Variants in EHBP1 observed in about 807,000 individuals in gnomAD.
EHBP1 encodes the protein EH domain-binding protein 1.
In EHBP1, 55 loss-of-function variants were observed where a neutral mutation model predicts 144.0. The observed-to-expected ratio is 0.38, with a 90% CI of 0.31 to 0.48. The LOEUF is 0.48. Among genes scored for constraint, EHBP1 ranks in the 20% least tolerant of loss-of-function variants. The probability of loss-of-function intolerance (pLI) is 0.98; values close to 1 mark genes in which losing one functional copy is unlikely to be tolerated. For missense variants in EHBP1, 1,200 were observed against 1,364.2 expected (o/e 0.88, Z 1.90); for synonymous variants, 469 against 472.7 (o/e 0.99, Z 0.10).
intron 10 of EHBP1, among the ~76,000 whole-genome samples, chr2:62,916,783 A>G (rs1214750788): frequency 6.7e-6 from 1 of 149,490 alleles, no homozygotes; most frequent in East Asian, 1.9e-4. Flanking sequence ...TATTGTATAT[A>G]TTATCTTTTA....
At chr2:62,750,232 A>T (rs2039551423) in intron 3 of EHBP1, among the ~76,000 whole-genome samples, 1 of 152,206 alleles carries the variant, frequency 6.6e-6, no homozygotes, top group Non-Finnish European at 1.5e-5. Flanking sequence ...ACCAATTATT[A>T]AATAGGGAGT....
At chr2:63,038,391 T>C (rs2061530638) in intron 20 of EHBP1, among the ~76,000 whole-genome samples, 1 of 152,178 alleles carries the variant, frequency 6.6e-6, no homozygotes, top group African/African-American at 2.4e-5. Context: ...TTCATGTTTC[T>C]TGTATTCTTT....
chr2:62,773,850 C>CAAAA (rs570715468), intron 5 of EHBP1, among the ~76,000 whole-genome samples: 518 of 41,520 alleles, frequency 0.012, 43 homozygotes, highest in Middle Eastern at 0.027. Flanking sequence ...GACTCCATCT[C>CAAAA]AAAAAAAAAA....
At position 62,993,579 on chromosome 2, in the gene EHBP1, G is replaced by A. The variant is rs143616477; in HGVS notation, c.2783G>A (p.Arg928His). The change falls in exon 17 of 23, where the codon CGT (arginine) becomes CAT (histidine). Residue 928 changes from arginine (R) to histidine (H), a missense_variant. By Grantham distance (29) the Arg-to-His change is conservative (BLOSUM62 0). Around this residue, in one of 6 missense-constraint regions of EHBP1, gnomAD observed 543 missense variants for 513.1 expected, o/e 1.06. Transcript: ENST00000431489. ...RTERLQKTTE[R>H]FRNPVVFSKD... ...GAACGATTACAAAAAACAACAGAAC[G>A]TTTTAGAAATCCTGTTGTGTTCAGC... 26 of 1,606,752 alleles carry A rather than the reference G, an allele frequency of 1.6e-5. No homozygotes were observed. In the African/African-American group the frequency reaches 2.7e-4, roughly 17 times the overall value.
intron 5 of EHBP1, among the ~76,000 whole-genome samples, chr2:62,792,861 G>A (rs1167637700): frequency 6.6e-6 from 1 of 151,646 alleles, no homozygotes; most frequent in Non-Finnish European, 1.5e-5. Flanking sequence ...AACAGATTCT[G>A]TGAATTAGAT....
chr2:63,025,366 A>G (rs2060930432), intron 19 of EHBP1, among the ~76,000 whole-genome samples: 1 of 152,112 alleles, frequency 6.6e-6, no homozygotes, highest in African/African-American at 2.4e-5. Flanking sequence ...GGCTCGGGCA[A>G]TCCTCCCGCC....
rs764601328 is a variant in EHBP1 at position 62,831,091 on chromosome 2, C to T, written c.567C>T (p.Phe189=). 127 of 1,609,174 alleles carry T rather than the reference C, an allele frequency of 7.9e-5. No homozygotes were observed. Among genetic ancestry groups the T allele is most frequent in the Middle Eastern group, 4.9e-4 (3 of 6,068 alleles). Reference sequence around the variant, plus strand: ...CTGACATTGGCAATTTAGATGACTTCGAAGAAGATAATGAAGATGATGATG... The same window carrying T: ...CTGACATTGGCAATTTAGATGACTTTGAAGAAGATAATGAAGATGATGATG... ...KQADIGNLDD[F]EEDNEDDDEN... Residue 189 remains phenylalanine (F), a synonymous_variant, in exon 7 of 23, where the codon TTC becomes TTT. Coordinates refer to ENST00000431489, the MANE Select transcript of EHBP1 (RefSeq NM_001142616.3).
chr2:62,756,834 G>A (rs896590449), intron 3 of EHBP1, among the ~76,000 whole-genome samples: 2 of 149,540 alleles, frequency 1.3e-5, no homozygotes, highest in Non-Finnish European at 3.0e-5. Flanking sequence ...AAGCTAAATA[G>A]GGAAATAAAA....
intron 19 of EHBP1, among the ~76,000 whole-genome samples, chr2:63,028,949 T>C (rs906870427): frequency 1.3e-5 from 2 of 152,222 alleles, no homozygotes; most frequent in Non-Finnish European, 2.9e-5. Flanking sequence ...CATTCTTTTC[T>C]TCAAATTATA....
intron 15 of EHBP1, among the ~76,000 whole-genome samples, chr2:62,989,947 AAG>A (rs1006648235): frequency 6.6e-6 from 1 of 152,192 alleles, no homozygotes; most frequent in Non-Finnish European, 1.5e-5. Context: ...AGCATTTATT[AAG>A]AGTCTTATAA....
chr2:63,045,341 A>G lies in EHBP1; in HGVS notation c.3393-69A>G, dbSNP rs1210304284. ...GGATCCAAATACTGGGCGACGGGGG[A>G]GTGCTGCTCTGCCCTCCACGAAGAA... On this transcript the variant is annotated intron_variant, in intron 22 of 22. Transcript: ENST00000431489. The surrounding 1 kb of genome is among the most constrained non-coding windows in gnomAD (Gnocchi z 5.7). 6.8e-6 allele frequency: 10 copies of G among 1,477,270 alleles called. No individual in the cohort carries two copies. Among genetic ancestry groups the G allele is most frequent in the Admixed American group, 3.5e-5 (2 of 57,676 alleles). The allele number at this position is 1,477,270 out of a possible 1,614,324, so 91.5% of individuals were successfully genotyped here.
chr2:62,722,968 A>C (rs1279609237), intron 2 of EHBP1, among the ~76,000 whole-genome samples: 1 of 152,192 alleles, frequency 6.6e-6, no homozygotes, highest in Non-Finnish European at 1.5e-5. Context: ...GGAGATGAGA[A>C]GAATGTATAT....
intron 8 of EHBP1, among the ~76,000 whole-genome samples, chr2:62,860,473 A>G (rs550505229): frequency 6.7e-6 from 1 of 148,792 alleles, no homozygotes; most frequent in Admixed American, 6.8e-5. Flanking sequence ...CTGGGCAACA[A>G]GAGCGAAACT....
chr2:62,865,886 T>G (rs1336440712), intron 9 of EHBP1, among the ~76,000 whole-genome samples: 4 of 152,132 alleles, frequency 2.6e-5, no homozygotes, highest in Admixed American at 2.6e-4. Flanking sequence ...GACCAGAATT[T>G]GTAGAAGAGA....
At chr2:62,789,042 A>G (rs2043005518) in intron 5 of EHBP1, among the ~76,000 whole-genome samples, 1 of 152,332 alleles carries the variant, frequency 6.6e-6, no homozygotes, top group African/African-American at 2.4e-5. Flanking sequence ...GATCATGAAG[A>G]GTTAAACCTT....
chr2:62,759,583 T>C (rs2040595233), intron 3 of EHBP1, among the ~76,000 whole-genome samples: 1 of 152,134 alleles, frequency 6.6e-6, no homozygotes, highest in Non-Finnish European at 1.5e-5. Flanking sequence ...TTTTGTATTT[T>C]CAGTAGAGAC....
intron 1 of EHBP1, among the ~76,000 whole-genome samples, chr2:62,679,754 C>CA (rs1406651051): frequency 2.0e-5 from 3 of 152,166 alleles, no homozygotes; most frequent in African/African-American, 4.8e-5. Flanking sequence ...TTAGTCTAGA[C>CA]AAAGATTTGG....
intron 3 of EHBP1, among the ~76,000 whole-genome samples, chr2:62,758,006 T>G (rs1045184948): frequency 6.7e-6 from 1 of 149,226 alleles, no homozygotes; most frequent in African/African-American, 2.5e-5. Flanking sequence ...AGCGAGACTC[T>G]GTCTCAAAAA....
intron 9 of EHBP1, among the ~76,000 whole-genome samples, chr2:62,870,938 A>G (rs1039970031): frequency 5.9e-5 from 9 of 151,994 alleles, no homozygotes; most frequent in African/African-American, 1.9e-4. Context: ...CAAAAATCTC[A>G]GAGTTACATC....
Sources: gnomAD v4.1 joint callset for allele counts (sites outside exome capture counted in the v4.1 genomes callset) on GRCh38, gnomAD v4.1.1 for gene constraint, gnomAD v4.1.1 regional missense constraint, Gnocchi (gnomAD v3.1) non-coding constraint, MANE v1.5 for transcripts, NCBI Gene and HGNC (gene_info 2026-07-23, HGNC 2026-07-21) for gene names.